Variants in KIF15 observed in about 807,000 individuals in gnomAD.
KIF15 encodes the protein kinesin family member 15.
A neutral mutation model predicts 190.6 loss-of-function variants in KIF15; 140 were observed. The ratio of observed to expected loss-of-function variants is 0.73; its 90% CI spans 0.64 to 0.84. The LOEUF is 0.84. Among genes scored for constraint, KIF15 ranks in the 40% least tolerant of loss-of-function variants. The pLI, the probability that KIF15 is intolerant of heterozygous loss-of-function variation, is 0.00. For missense variants in KIF15, 1,372 were observed against 1,584.4 expected, an observed-to-expected ratio of 0.87 and a Z score of 2.28; for synonymous variants, 528 against 551.3, an observed-to-expected ratio of 0.96 and a Z score of 0.59.
At position 44,800,423 on chromosome 3, in the gene KIF15, G is replaced by T; in HGVS notation, c.1208G>T (p.Ser403Ile). 1 of 1,614,040 alleles carries T rather than the reference G, an allele frequency of 6.2e-7. No individual in the cohort carries two copies. Among genetic ancestry groups the T allele is most frequent in the Non-Finnish European group, 8.5e-7 (1 of 1,179,982 alleles). ...ELASGQTPPE[S>I]FLTRDKKKTN... ...GCTTCAGGACAGACACCACCAGAAA[G>T]CTTCCTGACCAGAGGTAGGATGAGC... The change falls in exon 11 of 35, where the codon AGC (serine) becomes ATC (isoleucine). Residue 403 changes from serine to isoleucine, a missense_variant. By Grantham distance (142) the Ser-to-Ile change is moderately radical (BLOSUM62 -2). Transcript: ENST00000326047.
intron 1 of KIF15, among the ~76,000 whole-genome samples, chr3:44,763,345 G>A (rs1705231089): frequency 6.6e-6 from 1 of 152,080 alleles, no homozygotes; most frequent in Non-Finnish European, 1.5e-5. Flanking sequence ...CTCTATTGCC[G>A]GGCTGGAGTG....
chr3:44,804,866 T>C (rs1025213557), intron 14 of KIF15, among the ~76,000 whole-genome samples, 161 bp from the exon 15 acceptor site: 4 of 152,010 alleles, frequency 2.6e-5, no homozygotes, highest in Admixed American at 1.3e-4. Context: ...CCCAACTATT[T>C]GGGAGGCTAA....
intron 8 of KIF15, 64 bp downstream of exon 8, chr3:44,794,490 G>T: frequency 8.2e-7 from 1 of 1,222,626 alleles, no homozygotes; most frequent in Non-Finnish European, 1.2e-6. Context: ...ATACAGTCGT[G>T]ATGCATGACA....
chr3:44,806,209 G>A (rs534924680), intron 16 of KIF15, among the ~76,000 whole-genome samples: 2 of 152,236 alleles, frequency 1.3e-5, no homozygotes, highest in South Asian at 2.1e-4. Context: ...AATCAAATTC[G>A]AATGTGCCAT....
At chr3:44,850,895 G>A (rs553211774) in intron 32 of KIF15, among the ~76,000 whole-genome samples, 1 of 152,194 alleles carries the variant, frequency 6.6e-6, no homozygotes, top group Non-Finnish European at 1.5e-5. Flanking sequence ...TCAACAGCTA[G>A]AAATTAGCTG....
chr3:44,766,906 G>T (rs1167328496), intron 1 of KIF15, among the ~76,000 whole-genome samples: 2 of 149,094 alleles, frequency 1.3e-5, no homozygotes, highest in African/African-American at 5.0e-5. Flanking sequence ...CGCCTCCTGG[G>T]TTCACGCCAT....
chr3:44,859,456 G>C (rs1436575726), intron 6 of KIF15, among the ~76,000 whole-genome samples: 1 of 152,084 alleles, frequency 6.6e-6, no homozygotes, highest in Non-Finnish European at 1.5e-5. Flanking sequence ...CTTGGGCCCA[G>C]GGGTTCAAGA....
chr3:44,846,273 T>C (rs147846807), intron 30 of KIF15, among the ~76,000 whole-genome samples: 1 of 152,328 alleles, frequency 6.6e-6, no homozygotes, highest in East Asian at 1.9e-4. Context: ...GAAGATATGT[T>C]TTAGACAATA....
At chr3:44,845,889 C>T (rs1295529943) in intron 30 of KIF15, among the ~76,000 whole-genome samples, 1 of 152,208 alleles carries the variant, frequency 6.6e-6, no homozygotes, top group Non-Finnish European at 1.5e-5. Flanking sequence ...CACTGAGCTT[C>T]TGTGACCCGT....
intron 6 of KIF15, chr3:44,865,101 T>C: frequency 6.2e-7 from 1 of 1,614,032 alleles, no homozygotes; most frequent in Admixed American, 1.7e-5. Context: ...GGAGGAGTGT[T>C]CCTTATTCTC....
intron 27 of KIF15, among the ~76,000 whole-genome samples, chr3:44,838,670 C>G (rs1575674740): frequency 6.6e-6 from 1 of 151,458 alleles, no homozygotes; most frequent in East Asian, 2.0e-4. Flanking sequence ...ATTGCTTGAA[C>G]CTGGGAGGTG....
At chr3:44,763,252 C>T (rs1705224730) in intron 1 of KIF15, among the ~76,000 whole-genome samples, 1 of 152,186 alleles carries the variant, frequency 6.6e-6, no homozygotes, top group Non-Finnish European at 1.5e-5. Context: ...AGAAGAGAGC[C>T]CGTGCAGTGG....
At chr3:44,847,026 TC>T (rs1481592033) in intron 30 of KIF15, among the ~76,000 whole-genome samples, 1 of 152,168 alleles carries the variant, frequency 6.6e-6, no homozygotes, top group Non-Finnish European at 1.5e-5. Flanking sequence ...ACCGCATGGC[TC>T]CCAAAGCCTG....
Position 44,851,914 on chromosome 3 carries a change from C to G in KIF15, c.3934C>G (p.Leu1312Val). 1.2e-6 allele frequency: 2 copies of G among 1,613,714 alleles called. No individual in the cohort carries two copies. The highest frequency in any genetic ancestry group is 1.7e-6 in the Non-Finnish European group (2 of 1,179,866). The change falls in exon 33 of 35, where the codon CTG (leucine) becomes GTG (valine). Residue 1312 changes from leucine (L) to valine (V), a missense_variant. Transcript: ENST00000326047. ...GGAAAAAGAACAACTGAGATCAAAG[C>G]TGGAAGAAATGTATGAAGAAAGAGA... ...FQEKEQLRSK[L>V]EEMYEERERT...
At chr3:44,856,638 G>A (rs1301905154), downstream of KIF15, among the ~76,000 whole-genome samples, 1 of 152,144 alleles carries the variant, frequency 6.6e-6, no homozygotes, top group Non-Finnish European at 1.5e-5. Context: ...GAAGTTGGAA[G>A]GCTAGGTGCT....
At chr3:44,836,939 C>T (rs539645825) in intron 26 of KIF15, among the ~76,000 whole-genome samples, 1 of 152,306 alleles carries the variant, frequency 6.6e-6, no homozygotes, top group South Asian at 2.1e-4. Context: ...AGTTAGGCAG[C>T]CATGACAGGT....
At chr3:44,852,085 T>G in intron 33 of KIF15, 123 bp from the exon 34 acceptor site, 1 of 1,434,900 alleles carries the variant, frequency 7.0e-7, no homozygotes, top group East Asian at 2.3e-5. Flanking sequence ...TTGTGAGGCC[T>G]TGAAAGCTGG....
chr3:44,797,551 G>A lies in KIF15; in HGVS notation c.850G>A (p.Glu284Lys). 6.2e-7 allele frequency: 1 copy of A among 1,613,052 alleles called. No homozygotes were observed. Among genetic ancestry groups the A allele is most frequent in the Non-Finnish European group, 8.5e-7 (1 of 1,179,608 alleles). The stretch of plus-strand genomic sequence containing the variant: ...TTGTTCTTTTCCGTCAACACTTTAG[G>A]AAGCAGGTAACATAAATCGATCATT... Reference protein sequence around the residue: ...DTHAEGMRLKEAGNINRSLSC... With the variant: ...DTHAEGMRLKKAGNINRSLSC... Residue 284 changes from glutamate to lysine, a missense_variant and splice_region_variant, in exon 9 of 35, where the codon GAA (glutamate) becomes AAA (lysine). By Grantham distance (56) the Glu-to-Lys change is moderately conservative. Transcript: ENST00000326047.
chr3:44,821,261 C>T (rs1280284295), intron 20 of KIF15, among the ~76,000 whole-genome samples: 4 of 150,096 alleles, frequency 2.7e-5, no homozygotes, highest in African/African-American at 9.9e-5. Context: ...GAGGGCTGAC[C>T]CCCCCACCTC....
Sources: allele counts gnomAD v4.1 joint callset (sites outside exome capture counted in the v4.1 genomes callset), GRCh38; gene constraint gnomAD v4.1.1; transcripts MANE v1.5; gene names NCBI Gene and HGNC (gene_info 2026-07-23, HGNC 2026-07-21).